The following NPNT variants were observed in gnomAD, a reference collection of about 807,000 sequenced individuals.
NPNT encodes the protein nephronectin, also known as preosteoblast EGF-like repeat protein with MAM domain.
Under a neutral mutation model 68.6 loss-of-function variants are expected in NPNT, and 45 were observed. The observed-to-expected ratio is 0.66, with a 90% CI of 0.52 to 0.84. The LOEUF (loss-of-function observed/expected upper bound fraction) is 0.84. Ranked by LOEUF, NPNT falls within the 40% of genes least tolerant of loss-of-function variation. The pLI, the probability that NPNT is intolerant of heterozygous loss-of-function variation, is 0.00. For missense variants in NPNT, 672 were observed against 714.8 expected, an observed-to-expected ratio of 0.94 and a Z score of 0.68; for synonymous variants, 233 against 253.3, an observed-to-expected ratio of 0.92 and a Z score of 0.76.
chr4:105,942,848 G>A, intron 8 of NPNT, 146 bp downstream of exon 8: 2 of 739,082 alleles, frequency 2.7e-6, no homozygotes, highest in Non-Finnish European at 4.3e-6. Flanking sequence ...ATTATAAAGA[G>A]CTACATAAAG....
rs1578641048 is a variant in NPNT, at chr4:105,937,145, A to C, written c.385+17A>C. The stretch of plus-strand genomic sequence containing the variant: ...CCTGCTCAAGTATGTCAAGAATCTT[A>C]ACTGTTTTATAAGTGCTTTGGGCTT... On this transcript the variant is annotated intron_variant, in intron 4 of 11. Transcript: ENST00000379987. 6.2e-6 allele frequency: 10 copies of C among 1,612,006 alleles called. No homozygotes were observed. The East Asian group carries it at 2.2e-4, about 36-fold the overall frequency.
intron 10 of NPNT, among the ~76,000 whole-genome samples, chr4:105,963,583 C>T (rs1333414808): frequency 3.3e-5 from 5 of 151,822 alleles, no homozygotes; most frequent in African/African-American, 7.3e-5. Context: ...CATGGTGATG[C>T]GCTGCAGGTA....
chr4:105,935,788 A>C (rs374867348), intron 3 of NPNT, among the ~76,000 whole-genome samples: 1 of 152,184 alleles, frequency 6.6e-6, no homozygotes. Flanking sequence ...ATTTTTTTAG[A>C]TGTAATAATT....
Position 105,936,996 on chromosome 4 carries a change from A to G in NPNT, c.266-13A>G, listed in dbSNP as rs375394175. ...TTTTGTAATTTTTCTGCTTCAACCCACATTGTTTTCAGATCTAAATGAGTG... is the reference window on the plus strand; with the variant it reads ...TTTTGTAATTTTTCTGCTTCAACCCGCATTGTTTTCAGATCTAAATGAGTG... On this transcript the variant is annotated splice_polypyrimidine_tract_variant and intron_variant, in intron 3 of 11. Coordinates refer to ENST00000379987, the MANE Select transcript of NPNT (RefSeq NM_001033047.3). The G allele has an allele frequency of 9.3e-5, 149 of 1,609,534 alleles. No homozygotes were observed. Among genetic ancestry groups the G allele is most frequent in the Middle Eastern group, 1.7e-4 (1 of 6,058 alleles).
rs1195555290 is a variant in NPNT, at chr4:105,944,714, C to CCAAAAATTGCA, written c.1159+2012_1159+2013insCAAAAATTGCA. Among the ~76,000 whole-genome samples, 4 of 152,228 alleles carry CCAAAAATTGCA rather than the reference C, an allele frequency of 2.6e-5. No individual in the cohort carries two copies. The East Asian group carries it at 7.7e-4, about 29-fold the overall frequency. On this transcript the variant is annotated intron_variant, in intron 8 of 11. Coordinates refer to ENST00000379987, the MANE Select transcript of NPNT (RefSeq NM_001033047.3). Reference sequence around the variant, plus strand: ...CTGTTGCATGCCACAGATAGCATTGCTGCCTTTAGAAACTCCTGCCAAAAA... The same window carrying CCAAAAATTGCA: ...CTGTTGCATGCCACAGATAGCATTGCCAAAAATTGCATGCCTTTAGAAACTCCTGCCAAAAA...
At chr4:105,924,382 T>C (rs1406741803) in intron 2 of NPNT, among the ~76,000 whole-genome samples, 1 of 152,204 alleles carries the variant, frequency 6.6e-6, no homozygotes, top group East Asian at 1.9e-4. Flanking sequence ...GAATATCTTT[T>C]TGTGCAACAG....
intron 2 of NPNT, among the ~76,000 whole-genome samples, chr4:105,924,171 ATCTC>A (rs1186996618): frequency 2.6e-5 from 4 of 151,708 alleles, no homozygotes; most frequent in East Asian, 1.9e-4. Context: ...TGGTTCTTTC[ATCTC>A]TCTATCACAG....
At chr4:105,907,178 C>T (rs374289562) in intron 2 of NPNT, among the ~76,000 whole-genome samples, 3 of 152,124 alleles carry the variant, frequency 2.0e-5, no homozygotes, top group Non-Finnish European at 2.9e-5. Context: ...ATCAACATCC[C>T]GTACCCAAAC....
intron 2 of NPNT, among the ~76,000 whole-genome samples, chr4:105,898,306 CTCTCTGTCTCTCTCTCTCTCTG>C (rs1726064416): frequency 1.6e-5 from 2 of 125,664 alleles, no homozygotes; most frequent in African/African-American, 8.2e-5. Context: ...CTCTCTCTCT[CTCTCTGTCTCTCTCTCTCTCTG>C]TCTCTCTCTC....
At chr4:105,937,675 G>A (rs1335069033) in intron 4 of NPNT, among the ~76,000 whole-genome samples, 1 of 152,036 alleles carries the variant, frequency 6.6e-6, no homozygotes, top group Non-Finnish European at 1.5e-5. Context: ...TACCAGAAAA[G>A]TAGGATTCAT....
intron 8 of NPNT, among the ~76,000 whole-genome samples, chr4:105,956,531 C>G (rs541481171): frequency 6.6e-6 from 1 of 152,124 alleles, no homozygotes; most frequent in South Asian, 2.1e-4. Context: ...GAATATGGTA[C>G]TTTTAAGAGT....
intron 2 of NPNT, among the ~76,000 whole-genome samples, chr4:105,908,548 T>C (rs1727099735): frequency 6.6e-6 from 1 of 151,756 alleles, no homozygotes; most frequent in Admixed American, 6.6e-5. Flanking sequence ...AAAACCATGT[T>C]GATTTTCAAA....
chr4:105,961,058 G>A (rs1731685187), intron 10 of NPNT, among the ~76,000 whole-genome samples: 1 of 152,084 alleles, frequency 6.6e-6, no homozygotes, highest in African/African-American at 2.4e-5. Flanking sequence ...CACTCGAGGA[G>A]CAAATAATAT....
At chr4:105,955,824 T>C (rs1578676923) in intron 8 of NPNT, among the ~76,000 whole-genome samples, 1 of 152,154 alleles carries the variant, frequency 6.6e-6, no homozygotes, top group South Asian at 2.1e-4. Flanking sequence ...GGTAGTTTTT[T>C]TTCTCTTGAA....
chr4:105,932,614 A>G, intron 3 of NPNT: 1 of 1,534,788 alleles, frequency 6.5e-7, no homozygotes. Flanking sequence ...TGGTGTGAAG[A>G]CGAGCACATC....
At chr4:105,914,480 TAG>T (rs1560897092) in intron 2 of NPNT, among the ~76,000 whole-genome samples, 2 of 137,296 alleles carry the variant, frequency 1.5e-5, no homozygotes, top group African/African-American at 2.7e-5. Context: ...ATTATATATA[TAG>T]AGAGAGAGAT....
intron 2 of NPNT, 103 bp from the exon 3 acceptor site, chr4:105,927,233 T>C (rs910590319): frequency 1.5e-5 from 10 of 675,582 alleles, no homozygotes; most frequent in African/African-American, 1.5e-4. Flanking sequence ...TGTTGTAAGT[T>C]CTAGTTTTTT....
Position 105,959,110 on chromosome 4 carries a change from A to C in NPNT, c.1329A>C (p.Pro443=). Residue 443 remains proline (P), a synonymous_variant, in exon 10 of 12, where the codon CCA becomes CCC. Coordinates refer to ENST00000379987, the MANE Select transcript of NPNT (RefSeq NM_001033047.3). ...REKDNDLHWE[P]IRDPAGGQYL... ...AAGACAATGACTTGCACTGGGAACCAATCAGGGACCCAGCAGGTAAAACCA... is the reference window on the plus strand; with the variant it reads ...AAGACAATGACTTGCACTGGGAACCCATCAGGGACCCAGCAGGTAAAACCA... 6.2e-7 allele frequency: 1 copy of C among 1,610,442 alleles called. No homozygotes were observed. The highest frequency in any genetic ancestry group is 1.1e-5 in the South Asian group (1 of 91,022).
intron 8 of NPNT, among the ~76,000 whole-genome samples, chr4:105,955,284 C>T (rs1173718920): frequency 6.6e-6 from 1 of 152,144 alleles, no homozygotes; most frequent in Non-Finnish European, 1.5e-5. Flanking sequence ...GGTTATAGTT[C>T]ATTTTTGGGC....
Sources: allele counts gnomAD v4.1 joint callset (sites outside exome capture counted in the v4.1 genomes callset), GRCh38; gene constraint gnomAD v4.1.1; transcripts MANE v1.5; gene names NCBI Gene and HGNC (gene_info 2026-07-23, HGNC 2026-07-21).